Variants in DRC1 observed in about 807,000 individuals in gnomAD.
The protein encoded by DRC1 is dynein regulatory complex subunit 1.
Under a neutral mutation model 98.7 loss-of-function variants are expected in DRC1, and 74 were observed. The ratio of observed to expected loss-of-function variants is 0.75; its 90% confidence interval spans 0.62 to 0.91. The LOEUF (loss-of-function observed/expected upper bound fraction) is 0.91, where lower values mean the gene tolerates loss of function less well. Ranked by LOEUF, DRC1 falls within the 40% of genes least tolerant of loss-of-function variation. The pLI is 0.00. For missense variants in DRC1, 875 were observed against 886.0 expected (o/e 0.99, Z 0.16); for synonymous variants, 336 against 334.1 (o/e 1.01, Z -0.06).
chr2:26,421,304 T>C lies in DRC1; in HGVS notation c.260T>C (p.Leu87Pro), dbSNP rs1663135260. 1.2e-6 allele frequency: 2 copies of C among 1,613,436 alleles called. No individual in the cohort carries two copies. The highest frequency in any genetic ancestry group is 1.3e-5 in the African/African-American group (1 of 74,906). Residue 87 changes from leucine to proline, a missense_variant, in exon 3 of 17, where the codon CTG becomes CCG. By Grantham distance (98) the Leu-to-Pro change is moderately conservative (BLOSUM62 -3). Coordinates refer to ENST00000288710, the MANE Select transcript of DRC1 (RefSeq NM_145038.5). ...EESRLKLAKLLLCGTELVTNI... is the reference protein window; with the variant it reads ...EESRLKLAKLPLCGTELVTNI... ...TCTTTTTAGAAATTGGCTAAACTTC[T>C]GCTCTGTGGCACCGAGTTGGTGACA...
chr2:26,441,033 A>T (rs903755798), intron 8 of DRC1, among the ~76,000 whole-genome samples: 1 of 152,222 alleles, frequency 6.6e-6, no homozygotes, highest in Non-Finnish European at 1.5e-5. Context: ...TACTCATGAC[A>T]TGTGCCAGTT....
rs1371774438 is a variant in DRC1 at position 26,454,723 on chromosome 2, A to G, written c.1996A>G (p.Thr666Ala). 1.9e-6 allele frequency: 3 copies of G among 1,613,970 alleles called. No homozygotes were observed. In the African/African-American group the frequency reaches 4.0e-5, roughly 22 times the overall value. ...SKDSEYWQAL[T>A]TVIPSSKQNL... ...GGACTCGGAGTACTGGCAGGCCCTG[A>G]CCACAGTGATCCCTTCCTCCAAGCA... The change falls in exon 15 of 17, where the codon ACC becomes GCC. Residue 666 changes from threonine (T) to alanine (A), a missense_variant. By Grantham distance (58) the Thr-to-Ala change is moderately conservative. Coordinates refer to ENST00000288710, the MANE Select transcript of DRC1 (RefSeq NM_145038.5). The surrounding 1 kb of genome is among the most constrained non-coding windows in gnomAD (Gnocchi z 5.2).
At chr2:26,420,444 C>T (rs904846749) in intron 2 of DRC1, among the ~76,000 whole-genome samples, 12 of 152,192 alleles carry the variant, frequency 7.9e-5, no homozygotes, top group African/African-American at 2.9e-4. Context: ...ACCTCCCCAA[C>T]TGAGGTTCTT....
At chr2:26,402,589 A>G (rs896621912) in intron 1 of DRC1, among the ~76,000 whole-genome samples, 2 of 152,184 alleles carry the variant, frequency 1.3e-5, no homozygotes, top group African/African-American at 4.8e-5. Context: ...AGCCTGAATA[A>G]TATTCCTAAG....
At chr2:26,455,266 G>C (rs76503931) in intron 16 of DRC1, 33 bp downstream of exon 16, 6 of 1,598,726 alleles carry the variant, frequency 3.8e-6, no homozygotes, top group Non-Finnish European at 5.1e-6. Context: ...GAGGGGCAGC[G>C]GGAGACACGG....
At chr2:26,440,888 T>C (rs1240309366) in intron 8 of DRC1, among the ~76,000 whole-genome samples, 1 of 152,224 alleles carries the variant, frequency 6.6e-6, no homozygotes, top group African/African-American at 2.4e-5. Context: ...TCCCAGTTCA[T>C]AGAGAGCTTT....
Position 26,444,743 on chromosome 2 carries a change from G to T in DRC1, c.1191G>T (p.Lys397Asn), listed in dbSNP as rs1244345499. ...MRHFALIDDE[K>N]FWEIWLMNEE... Reference sequence around the variant, plus strand: ...ATTTTGCTCTTATTGATGATGAGAAGTTTTGGGAGATTTGGCTGATGAATG... The same window carrying T: ...ATTTTGCTCTTATTGATGATGAGAATTTTTGGGAGATTTGGCTGATGAATG... The change falls in exon 10 of 17, where the codon AAG (lysine) becomes AAT (asparagine). Residue 397 changes from lysine (K) to asparagine (N), a missense_variant. Physicochemically the swap from Lys to Asn is moderately conservative, Grantham distance 94. Transcript: ENST00000288710. The T allele has an allele frequency of 6.2e-7, 1 of 1,614,132 alleles. No homozygotes were observed. The highest frequency in any genetic ancestry group is 1.1e-5 in the South Asian group (1 of 91,070).
Position 26,424,327 on chromosome 2 carries a change from C to T in DRC1, c.413C>T (p.Thr138Ile), listed in dbSNP as rs758366261. Residue 138 changes from threonine (T) to isoleucine (I), a missense_variant, in exon 4 of 17, where the codon ACC becomes ATC. Coordinates refer to ENST00000288710, the MANE Select transcript of DRC1 (RefSeq NM_145038.5). ...KTSQDKFDEI[T>I]SKWEEGKQKR... Reference sequence around the variant, plus strand: ...AGCCAGGACAAATTCGATGAAATCACCTCAAAGTGGGAAGAGGGCAAGCAG... The same window carrying T: ...AGCCAGGACAAATTCGATGAAATCATCTCAAAGTGGGAAGAGGGCAAGCAG... 9.9e-6 allele frequency: 16 copies of T among 1,613,774 alleles called. No individual in the cohort carries two copies. The highest frequency in any genetic ancestry group is 1.2e-5 in the Non-Finnish European group (14 of 1,180,012).
chr2:26,421,214 C>A, intron 2 of DRC1, 74 bp from the exon 3 acceptor site: 1 of 1,416,198 alleles, frequency 7.1e-7, no homozygotes, highest in South Asian at 1.3e-5. Flanking sequence ...GACAGTTGTG[C>A]AAAAATGTTT....
At chr2:26,409,052 C>A (rs889551977) in intron 1 of DRC1, among the ~76,000 whole-genome samples, 2 of 151,986 alleles carry the variant, frequency 1.3e-5, no homozygotes, top group African/African-American at 2.4e-5. Flanking sequence ...CTGCCTCAGC[C>A]TCCTGAGTGT....
chr2:26,444,891 T>G lies in DRC1; in HGVS notation c.1339T>G (p.Ser447Ala), dbSNP rs988823767. 1.5e-5 allele frequency: 24 copies of G among 1,614,134 alleles called. No homozygotes were observed. The highest frequency in any genetic ancestry group is 2.0e-5 in the Non-Finnish European group (24 of 1,180,028). Residue 447 changes from serine (S) to alanine (A), a missense_variant, in exon 10 of 17, where the codon TCT becomes GCT. Ser to Ala is a moderately conservative substitution (Grantham distance 99). Transcript: ENST00000288710. ...FWFLNNVGPI[S>A]QQPQKSATQI... is the part of the protein sequence containing the mutation. ...GTTCCTGAACAATGTTGGGCCTATT[T>G]CTCAGCAGCCCCAGAAGTCCGCCAC...
intron 7 of DRC1, 144 bp downstream of exon 7, chr2:26,432,150 A>C: frequency 7.6e-7 from 1 of 1,308,202 alleles, no homozygotes; most frequent in Non-Finnish European, 1.0e-6. Flanking sequence ...CCTTCTTTTA[A>C]ATGTTCATAT....
chr2:26,441,841 C>A (rs1203300612), intron 8 of DRC1, among the ~76,000 whole-genome samples: 1 of 151,994 alleles, frequency 6.6e-6, no homozygotes, highest in Non-Finnish European at 1.5e-5. Context: ...CTGAAAAACC[C>A]TTCAACGGAC....
At chr2:26,453,570 G>T (rs1351452021) in intron 14 of DRC1, 21 bp downstream of exon 14, 1 of 1,606,818 alleles carries the variant, frequency 6.2e-7, no homozygotes, top group Non-Finnish European at 8.5e-7. Context: ...GGGCTGGAAG[G>T]CTTGCCTGAG....
At chr2:26,404,984 G>A (rs1678370353) in intron 1 of DRC1, among the ~76,000 whole-genome samples, 1 of 152,198 alleles carries the variant, frequency 6.6e-6, no homozygotes, top group South Asian at 2.1e-4. Context: ...CTCCTGAGTA[G>A]ATGACCCTAG....
chr2:26,419,995 G>A (rs571475031), intron 2 of DRC1, among the ~76,000 whole-genome samples: 1 of 152,262 alleles, frequency 6.6e-6, no homozygotes, highest in African/African-American at 2.4e-5. Context: ...ACAGAAGCTT[G>A]TTTCTCTGTC....
At chr2:26,427,555 T>A (rs993412525) in intron 4 of DRC1, among the ~76,000 whole-genome samples, 1 of 152,196 alleles carries the variant, frequency 6.6e-6, no homozygotes, top group Non-Finnish European at 1.5e-5. Context: ...CAAGCATGTA[T>A]CATTTCTTTG....
chr2:26,403,906 C>T (rs1370159974), intron 1 of DRC1, among the ~76,000 whole-genome samples: 1 of 151,768 alleles, frequency 6.6e-6, no homozygotes, highest in East Asian at 1.9e-4. Context: ...TTGAGACCAG[C>T]CTGACCGACA....
Position 26,446,393 on chromosome 2 carries a change from G to A in DRC1, c.1396+1445G>A, listed in dbSNP as rs1663853207. Among the ~76,000 whole-genome samples, 3 of 152,078 alleles carry A rather than the reference G, an allele frequency of 2.0e-5. No individual in the cohort carries two copies. In the South Asian group the frequency reaches 6.2e-4, roughly 32 times the overall value. On this transcript the variant is annotated intron_variant, in intron 10 of 16. Coordinates refer to ENST00000288710, the MANE Select transcript of DRC1 (RefSeq NM_145038.5). ...GTGTCACCATGCATGCCCAGGGAAT[G>A]GTATTTAGAAACCACGCTGTGGGCG... is the stretch of plus-strand genomic sequence containing the variant.
Sources: allele counts gnomAD v4.1 joint callset (sites outside exome capture counted in the v4.1 genomes callset), GRCh38; gene constraint gnomAD v4.1.1; non-coding constraint Gnocchi (gnomAD v3.1); transcripts MANE v1.5; gene names NCBI Gene and HGNC (gene_info 2026-07-23, HGNC 2026-07-21).